Variants in PLEKHH2 observed in about 807,000 individuals in gnomAD.
The protein encoded by PLEKHH2 is pleckstrin homology domain-containing family H member 2.
PLEKHH2 carries 129 observed loss-of-function variants against 187.9 expected under a neutral mutation model. The ratio of observed to expected loss-of-function variants is 0.69; its 90% CI spans 0.59 to 0.79. The LOEUF is 0.79. Ranked by LOEUF, PLEKHH2 falls within the 30% of genes least tolerant of loss-of-function variation. The pLI is 0.00. For missense variants in PLEKHH2, 2,076 were observed against 1,751.2 expected (o/e 1.19, Z -3.31); for synonymous variants, 686 against 605.6 (o/e 1.13, Z -1.95).
At chr2:43,762,265 T>G (rs754959535) in intron 27 of PLEKHH2, 39 bp from the exon 28 acceptor site, 2 of 1,427,176 alleles carry the variant, frequency 1.4e-6, no homozygotes, top group Non-Finnish European at 2.0e-6. Context: ...GTAATTTTGC[T>G]TAGTATTTAT....
intron 6 of PLEKHH2, among the ~76,000 whole-genome samples, chr2:43,696,637 T>C (rs1669105304): frequency 6.6e-6 from 1 of 152,156 alleles, no homozygotes; most frequent in African/African-American, 2.4e-5. Context: ...GTGGTTACCA[T>C]AGACCCAACC....
At chr2:43,685,922 C>T (rs1040493537) in intron 3 of PLEKHH2, among the ~76,000 whole-genome samples, 2 of 152,178 alleles carry the variant, frequency 1.3e-5, no homozygotes, top group Non-Finnish European at 2.9e-5. Context: ...TAATATATTA[C>T]ATTTATTTAT....
chr2:43,686,850 A>G (rs1348405328), intron 3 of PLEKHH2, among the ~76,000 whole-genome samples: 5 of 152,222 alleles, frequency 3.3e-5, no homozygotes, highest in African/African-American at 1.2e-4. Flanking sequence ...AAGATATTTT[A>G]TAAACATATG....
In PLEKHH2 at chr2:43,699,899, G is replaced by T; in HGVS notation, c.941G>T (p.Gly314Val). 1.2e-6 allele frequency: 2 copies of T among 1,614,098 alleles called. No individual in the cohort carries two copies. The highest frequency in any genetic ancestry group is 2.2e-5 in the South Asian group (2 of 91,074). Residue 314 changes from glycine to valine, a missense_variant, in exon 8 of 30, where the codon GGG becomes GTG. Coordinates refer to ENST00000282406, the MANE Select transcript of PLEKHH2 (RefSeq NM_172069.4). ...CTCTCCAGTCACACATCTGAGGAAG[G>T]GGTCCAGTGTAGCAGGATGGGAAGT... ...STLSSHTSEE[G>V]VQCSRMGSEM... is the part of the protein sequence containing the mutation.
At chr2:43,647,721 C>T (rs1377748176) in intron 2 of PLEKHH2, among the ~76,000 whole-genome samples, 1 of 152,096 alleles carries the variant, frequency 6.6e-6, no homozygotes, top group Admixed American at 6.6e-5. Context: ...ACCAGTCAGC[C>T]CCAGGGCTTC....
At chr2:43,655,873 C>A (rs1339676887) in intron 2 of PLEKHH2, among the ~76,000 whole-genome samples, 3 of 152,028 alleles carry the variant, frequency 2.0e-5, no homozygotes, top group Non-Finnish European at 2.9e-5. Context: ...AATACACATT[C>A]TTTGTTCAGA....
At chr2:43,728,684 C>T (rs1490732889) in intron 17 of PLEKHH2, among the ~76,000 whole-genome samples, 7 of 151,052 alleles carry the variant, frequency 4.6e-5, no homozygotes, top group Non-Finnish European at 1.0e-4. Context: ...GCCTCAGCCT[C>T]CCGAACAGCT....
rs187244127 is a variant in PLEKHH2 at position 43,733,634 on chromosome 2, A to G, written c.2943+2032A>G. On this transcript the variant is annotated intron_variant, in intron 19 of 29. Coordinates refer to ENST00000282406, the MANE Select transcript of PLEKHH2 (RefSeq NM_172069.4). ...GGGGTCATGGATGGCTATAGAAAAA[A>G]TCTTTATCAACTGGAGATCCAGCCT... Among the ~76,000 whole-genome samples, 127 of 152,288 alleles carry G rather than the reference A, an allele frequency of 8.3e-4. No individual in the cohort carries two copies. The Middle Eastern group carries it at 0.01, about 12-fold the overall frequency.
At chr2:43,655,348 T>G (rs1368896643) in intron 2 of PLEKHH2, among the ~76,000 whole-genome samples, 2 of 152,044 alleles carry the variant, frequency 1.3e-5, no homozygotes, top group Non-Finnish European at 2.9e-5. Flanking sequence ...AAGGAAAGGT[T>G]AGGAAATCAA....
intron 24 of PLEKHH2, among the ~76,000 whole-genome samples, chr2:43,748,916 C>G (rs2104609044): frequency 6.6e-6 from 1 of 152,290 alleles, no homozygotes; most frequent in South Asian, 2.1e-4. Context: ...GCCACCATGC[C>G]CAGCTAATTT....
intron 24 of PLEKHH2, among the ~76,000 whole-genome samples, chr2:43,751,402 C>A (rs951820200): frequency 6.6e-6 from 1 of 152,128 alleles, no homozygotes; most frequent in Non-Finnish European, 1.5e-5. Flanking sequence ...GCTTTCCCCC[C>A]AGTAAGTTTA....
intron 19 of PLEKHH2, among the ~76,000 whole-genome samples, chr2:43,733,923 T>C (rs947209583): frequency 6.6e-6 from 1 of 152,176 alleles, no homozygotes; most frequent in African/African-American, 2.4e-5. Context: ...AAAATCTAGA[T>C]GATGTGGTCA....
intron 1 of PLEKHH2, among the ~76,000 whole-genome samples, chr2:43,642,343 A>G (rs749175446): frequency 6.6e-6 from 1 of 152,048 alleles, no homozygotes; most frequent in African/African-American, 2.4e-5. Flanking sequence ...ACCTTGCTAA[A>G]CTCTATAGTT....
chr2:43,700,760 C>T (rs1362111551), intron 8 of PLEKHH2, 152 bp downstream of exon 8: 11 of 1,042,598 alleles, frequency 1.1e-5, no homozygotes, highest in Non-Finnish European at 1.5e-5. Context: ...TCAAGTGATT[C>T]TCCTGCCTCA....
chr2:43,746,049 C>T (rs1671766711), intron 24 of PLEKHH2, 86 bp downstream of exon 24: 1 of 717,260 alleles, frequency 1.4e-6, no homozygotes, highest in Non-Finnish European at 2.1e-6. Flanking sequence ...CTATTGAATG[C>T]CTTAAAAGTT....
At chr2:43,639,706 G>T (rs895303054) in intron 1 of PLEKHH2, among the ~76,000 whole-genome samples, 9 of 144,798 alleles carry the variant, frequency 6.2e-5, no homozygotes, top group African/African-American at 2.1e-4. Context: ...ACCCAGGCTG[G>T]AGTGCAATGG....
chr2:43,757,295 T>C, intron 26 of PLEKHH2, 31 bp downstream of exon 26: 1 of 1,459,722 alleles, frequency 6.9e-7, no homozygotes, highest in Non-Finnish European at 9.1e-7. Context: ...CTTTATAGGG[T>C]AGGGTCATAC....
chr2:43,744,822 C>G (rs1430148818), intron 23 of PLEKHH2, among the ~76,000 whole-genome samples: 3 of 143,856 alleles, frequency 2.1e-5, no homozygotes, highest in Admixed American at 7.1e-5. Flanking sequence ...GAGCCGTGAT[C>G]ACGCCACTGC....
Position 43,753,614 on chromosome 2 carries a change from T to C in PLEKHH2, c.3654-5T>C. 2 of 1,446,670 alleles carry C rather than the reference T, an allele frequency of 1.4e-6. No homozygotes were observed. The highest frequency in any genetic ancestry group is 1.8e-6 in the Non-Finnish European group (2 of 1,093,576). 89.6% of individuals were successfully genotyped at this position (1,446,670 alleles called of 1,614,324 possible). A position where few individuals can be genotyped will look rare whatever the true frequency, so the allele number is the denominator to read the frequency against. On this transcript the variant is annotated splice_polypyrimidine_tract_variant and splice_region_variant and intron_variant, in intron 24 of 29. Coordinates refer to ENST00000282406, the MANE Select transcript of PLEKHH2 (RefSeq NM_172069.4). ...TAATGAGAAATTTACTCTTTTTTTT[T>C]ACAGACTATATTTCTCAGTGCAAGC...
Sources: allele counts gnomAD v4.1 joint callset (sites outside exome capture counted in the v4.1 genomes callset), GRCh38; gene constraint gnomAD v4.1.1; transcripts MANE v1.5; gene names NCBI Gene and HGNC (gene_info 2026-07-23, HGNC 2026-07-21).